Variants in KCTD20 observed in about 807,000 individuals in gnomAD.
KCTD20 encodes BTB/POZ domain-containing protein KCTD20.
Under a neutral mutation model 39.6 loss-of-function variants are expected in KCTD20, and 30 were observed. That is an observed-to-expected ratio of 0.76 (90% CI 0.57 to 1.03). The LOEUF is 1.03. KCTD20 is among the 50% of genes least tolerant of loss of function. KCTD20 has a pLI of 0.00. For synonymous variants in KCTD20, 162 were observed against 180.6 expected (o/e 0.90, Z 0.83); for missense variants, 422 against 522.0 (o/e 0.81, Z 1.87).
At chr6:36,458,983 G>GA (rs1775522249) in intron 1 of KCTD20, among the ~76,000 whole-genome samples, 1 of 151,228 alleles carries the variant, frequency 6.6e-6, no homozygotes, top group African/African-American at 2.4e-5. Flanking sequence ...TACTAATGAG[G>GA]AAAAAAAATA....
At chr6:36,479,484 A>G in intron 4 of KCTD20, 107 bp from the exon 5 acceptor site, 1 of 1,024,730 alleles carries the variant, frequency 9.8e-7, no homozygotes, top group Non-Finnish European at 1.4e-6. Flanking sequence ...ATTTGGTGAT[A>G]ATTCCAGTAG....
chr6:36,463,407 T>C (rs1288590832), intron 1 of KCTD20, among the ~76,000 whole-genome samples: 1 of 152,202 alleles, frequency 6.6e-6, no homozygotes, highest in Non-Finnish European at 1.5e-5. Flanking sequence ...AATATGGTAT[T>C]CTATCTTTTG....
intron 1 of KCTD20, among the ~76,000 whole-genome samples, chr6:36,447,628 T>C (rs891970012): frequency 2.0e-5 from 3 of 149,630 alleles, no homozygotes; most frequent in Non-Finnish European, 4.4e-5. Flanking sequence ...AGACTCTGTC[T>C]CAAAAAAAAA....
Position 36,481,786 on chromosome 6 carries a change from G to A in KCTD20, c.856+27G>A, listed in dbSNP as rs1776259795. On this transcript the variant is annotated intron_variant, in intron 6 of 7. Transcript: ENST00000373731. ...TAGGAGCTTCTGGCATGGCGTAGAT[G>A]TTTTCAGCAAGAAACTTGCTACCTG... 5.0e-6 allele frequency: 8 copies of A among 1,605,038 alleles called. No individual in the cohort carries two copies. In the African/African-American group the frequency reaches 8.0e-5, roughly 16 times the overall value.
chr6:36,466,582 A>G (rs1489529095), intron 1 of KCTD20, among the ~76,000 whole-genome samples: 4 of 151,356 alleles, frequency 2.6e-5, no homozygotes, highest in African/African-American at 7.3e-5. Context: ...AGATCTTACT[A>G]TATTACCCAG....
chr6:36,454,212 C>G (rs1247225995), intron 1 of KCTD20, among the ~76,000 whole-genome samples: 1 of 152,212 alleles, frequency 6.6e-6, no homozygotes, highest in African/African-American at 2.4e-5. Flanking sequence ...AGTGGACAAA[C>G]TACCTCCTGC....
rs765423882 is a variant in KCTD20, at chr6:36,474,777, A to G, written c.161-12A>G. 1 of 1,557,078 alleles carries G rather than the reference A, an allele frequency of 6.4e-7. No individual in the cohort carries two copies. The highest frequency in any genetic ancestry group is 8.7e-7 in the Non-Finnish European group (1 of 1,150,490). On this transcript the variant is annotated splice_polypyrimidine_tract_variant and intron_variant, in intron 2 of 7. Transcript: ENST00000373731. ...TCTCAAGTTGTTTTGGTTTCTTTGTATGTTCTTTTAGACCTCTCACTTGAC... is the reference window on the plus strand; with the variant it reads ...TCTCAAGTTGTTTTGGTTTCTTTGTGTGTTCTTTTAGACCTCTCACTTGAC...
chr6:36,450,487 C>CAA (rs56825740), intron 1 of KCTD20, among the ~76,000 whole-genome samples: 2,608 of 122,346 alleles, frequency 0.021, 72 homozygotes, highest in African/African-American at 0.063. Context: ...GACTCTGTCT[C>CAA]AAAAAAAAAA....
chr6:36,483,691 A>G (rs1438281146), intron 6 of KCTD20, among the ~76,000 whole-genome samples: 2 of 150,828 alleles, frequency 1.3e-5, no homozygotes, highest in South Asian at 4.2e-4. Flanking sequence ...TTTTTTTTTT[A>G]ATTTTGTGTA....
At position 36,479,191 on chromosome 6, in the gene KCTD20, G is replaced by A. The variant is rs144155176; in HGVS notation, c.505G>A (p.Gly169Ser). The change falls in exon 4 of 8, where the codon GGC becomes AGC. Residue 169 changes from glycine (G) to serine (S), a missense_variant. Transcript: ENST00000373731. ...GAAGGGAGAGTATGAGATTGCTGAAGGCATCAGTGCAACTGTATTTCGCAC... is the reference window on the plus strand; with the variant it reads ...GAAGGGAGAGTATGAGATTGCTGAAAGCATCAGTGCAACTGTATTTCGCAC... ...NEKGEYEIAE[G>S]ISATVFRTVL... is the part of the protein sequence containing the mutation. 5.5e-5 allele frequency: 89 copies of A among 1,613,884 alleles called. No individual in the cohort carries two copies. The Middle Eastern group carries it at 6.6e-4, about 12-fold the overall frequency.
At position 36,469,873 on chromosome 6, in the gene KCTD20, A is replaced by G. The variant is rs1243248323; in HGVS notation, c.-46-179A>G. On this transcript the variant is annotated intron_variant, in intron 1 of 7. Transcript: ENST00000373731. The surrounding 1 kb of genome is among the most constrained non-coding windows in gnomAD (Gnocchi z 4.6). ...TATCTGCATTCTTAGTAATTTGATA[A>G]AGACCATTTAAATCAGCCTGATTCC... is the stretch of plus-strand genomic sequence containing the variant. Among the ~76,000 whole-genome samples, 1 of 152,234 alleles carries G rather than the reference A, an allele frequency of 6.6e-6. No homozygotes were observed. Among genetic ancestry groups the G allele is most frequent in the Non-Finnish European group, 1.5e-5 (1 of 68,050 alleles).
At chr6:36,457,322 A>C (rs1216366158) in intron 1 of KCTD20, among the ~76,000 whole-genome samples, 1 of 152,196 alleles carries the variant, frequency 6.6e-6, no homozygotes. Flanking sequence ...TGCCTCGGTC[A>C]TATTGTGGAT....
At position 36,486,958 on chromosome 6, in the gene KCTD20, G is replaced by C; in HGVS notation, c.1043G>C (p.Arg348Pro). ...GAAGTCATCTATAATTATGTACAAC[G>C]CCCCTTCATCCAGATGTCATGGGAA... The part of the protein sequence containing the change: ...RSEVIYNYVQ[R>P]PFIQMSWEKE... The change falls in exon 8 of 8, where the codon CGC becomes CCC. Residue 348 changes from arginine (R) to proline (P), a missense_variant. Arg to Pro is a moderately radical substitution (Grantham distance 103). Transcript: ENST00000373731. 6.2e-7 allele frequency: 1 copy of C among 1,614,058 alleles called. No homozygotes were observed. The highest frequency in any genetic ancestry group is 8.5e-7 in the Non-Finnish European group (1 of 1,179,928).
intron 1 of KCTD20, among the ~76,000 whole-genome samples, chr6:36,457,770 G>A (rs1322103474): frequency 6.6e-6 from 1 of 152,186 alleles, no homozygotes; most frequent in Non-Finnish European, 1.5e-5. Context: ...GAAATTTATG[G>A]TACTTGTCTT....
intron 1 of KCTD20, among the ~76,000 whole-genome samples, chr6:36,444,807 A>G (rs1220188656): frequency 6.6e-6 from 1 of 152,228 alleles, no homozygotes; most frequent in East Asian, 1.9e-4. Context: ...TGAGGGCTGG[A>G]TAAACTCCAC....
At chr6:36,465,296 C>CA (rs143652568) in intron 1 of KCTD20, among the ~76,000 whole-genome samples, 3,080 of 82,946 alleles carry the variant, frequency 0.037, 104 homozygotes, top group African/African-American at 0.1. Flanking sequence ...GATTCCGTCT[C>CA]AAAAAAAAAA....
At chr6:36,473,698 G>A (rs1316684596) in intron 2 of KCTD20, among the ~76,000 whole-genome samples, 3 of 151,980 alleles carry the variant, frequency 2.0e-5, no homozygotes, top group Non-Finnish European at 4.4e-5. Flanking sequence ...GCGTGAACCT[G>A]GGAGGCGGAG....
Position 36,481,779 on chromosome 6 carries a change from C to T in KCTD20, c.856+20C>T, listed in dbSNP as rs373582189. On this transcript the variant is annotated intron_variant, in intron 6 of 7. Transcript: ENST00000373731. ...CCCAAAGTAGGAGCTTCTGGCATGGCGTAGATGTTTTCAGCAAGAAACTTG... is the reference window on the plus strand; with the variant it reads ...CCCAAAGTAGGAGCTTCTGGCATGGTGTAGATGTTTTCAGCAAGAAACTTG... 43 of 1,609,154 alleles carry T rather than the reference C, an allele frequency of 2.7e-5. No homozygotes were observed. Among genetic ancestry groups the T allele is most frequent in the Non-Finnish European group, 3.5e-5 (41 of 1,176,106 alleles).
At chr6:36,484,864 G>C (rs200907057) in intron 7 of KCTD20, 40 bp downstream of exon 7, 277 of 1,214,220 alleles carry the variant, frequency 2.3e-4, no homozygotes, top group Non-Finnish European at 3.0e-4. Flanking sequence ...ATTCAGGTTG[G>C]GTCTATTGCC....
Sources: gnomAD v4.1 joint callset for allele counts (sites outside exome capture counted in the v4.1 genomes callset) on GRCh38, gnomAD v4.1.1 for gene constraint, Gnocchi (gnomAD v3.1) non-coding constraint, MANE v1.5 for transcripts, NCBI Gene and HGNC (gene_info 2026-07-23, HGNC 2026-07-21) for gene names.